Variants in INSRR observed in about 807,000 individuals in gnomAD.
INSRR encodes insulin receptor-related protein.
A neutral mutation model predicts 130.0 loss-of-function variants in INSRR; 114 were observed. That is an observed-to-expected ratio of 0.88 (90% CI 0.75 to 1.02). The LOEUF (loss-of-function observed/expected upper bound fraction) is 1.02, where lower values mean the gene tolerates loss of function less well. INSRR is among the 50% of genes least tolerant of loss of function. The pLI is 0.00. For missense variants in INSRR, 1,657 were observed against 1,735.2 expected, an observed-to-expected ratio of 0.95 and a Z score of 0.80; for synonymous variants, 674 against 705.2, an observed-to-expected ratio of 0.96 and a Z score of 0.70.
At chr1:156,842,020 G>A (rs558577855) in intron 19 of INSRR, 92 bp downstream of exon 19, 1 of 1,589,016 alleles carries the variant, frequency 6.3e-7, no homozygotes, top group Non-Finnish European at 8.6e-7. Flanking sequence ...CTCACAGGCT[G>A]TCAGGACCAG....
chr1:156,853,686 G>T, intron 2 of INSRR, 66 bp downstream of exon 2: 2 of 1,483,628 alleles, frequency 1.3e-6, no homozygotes. Flanking sequence ...CCATCCTGTG[G>T]CCACCCAGCC....
chr1:156,850,375 C>T lies in INSRR; in HGVS notation c.1229+915G>A, dbSNP rs1172405493. 4.0e-5 allele frequency among the ~76,000 whole-genome samples: 6 copies of T among 151,500 alleles called. No homozygotes were observed. The South Asian group carries it at 6.3e-4, about 16-fold the overall frequency. On this transcript the variant is annotated intron_variant, in intron 5 of 21. Transcript: ENST00000368195. ...TACAGGTGCCCACCACCACACCTGG[C>T]TAATTTTTGTATTTTTAGTAGAGAT...
rs142014665 is a variant in INSRR, at chr1:156,855,176, T to TTATCTATCTATCTATCTATCTATCTATC, written c.86-901_86-874dup. On this transcript the variant is annotated intron_variant, in intron 1 of 21. Transcript: ENST00000368195. ...TGAGGCCTTCTCTGACCATCCAATT[T>TTATCTATCTATCTATCTATCTATCTATC]TATCTATCTATCTATCTATCTATCT... Among the ~76,000 whole-genome samples the TTATCTATCTATCTATCTATCTATCTATC allele has an allele frequency of 6.6e-4, 95 of 143,580 alleles. 2 individuals carry two copies. Among genetic ancestry groups the TTATCTATCTATCTATCTATCTATCTATC allele is most frequent in the South Asian group, 1.4e-3 (6 of 4,214 alleles). The allele number at this position is 143,580 out of a possible 152,430, so 94.2% of individuals were successfully genotyped here.
chr1:156,851,735 G>A lies in INSRR; in HGVS notation c.995C>T (p.Thr332Ile). ...GLCPKECKVG[T>I]KTIDSIQAAQ... is the part of the protein sequence containing the mutation. ...CGCCTGGATGGAGTCGATGGTCTTG[G>A]TGCCTACCTTGCACTCTTTAGGGCA... The change falls in exon 4 of 22, where the codon ACC (threonine) becomes ATC (isoleucine). Residue 332 changes from threonine to isoleucine, a missense_variant. Transcript: ENST00000368195. 1 of 1,614,196 alleles carries A rather than the reference G, an allele frequency of 6.2e-7. No individual in the cohort carries two copies. Among genetic ancestry groups the A allele is most frequent in the African/African-American group, 1.3e-5 (1 of 75,054 alleles).
chr1:156,841,371 A>AAGGGGC, intron 21 of INSRR, 23 bp downstream of exon 21: 1 of 1,610,684 alleles, frequency 6.2e-7, no homozygotes, highest in Non-Finnish European at 8.5e-7. Flanking sequence ...AACAATGAGG[A>AAGGGGC]AGGGGCAGGG....
At chr1:156,845,450 G>A (rs746595217) in intron 10 of INSRR, 37 bp from the exon 11 acceptor site, 2 of 1,527,192 alleles carry the variant, frequency 1.3e-6, no homozygotes, top group Admixed American at 2.1e-5. Context: ...AGGCCTGTCC[G>A]GATGCACCCC....
Position 156,844,471 on chromosome 1 carries a change from G to A in INSRR, c.2728C>T (p.Leu910Phe), listed in dbSNP as rs1398375894. Residue 910 changes from leucine (L) to phenylalanine (F), a missense_variant, in exon 14 of 22, where the codon CTT becomes TTT. Leu to Phe is a conservative substitution (Grantham distance 22, BLOSUM62 0). Coordinates refer to ENST00000368195, the MANE Select transcript of INSRR (RefSeq NM_014215.3). ...CAGAGGCTGTGTATACCTGGGCCAA[G>A]GATGTAGAAGGCAACACTGTCTGTC... The part of the protein sequence containing the change: ...SWTDSVAFYI[L>F]GPEEEDAGGL... 2 of 1,613,724 alleles carry A rather than the reference G, an allele frequency of 1.2e-6. No individual in the cohort carries two copies. Among genetic ancestry groups the A allele is most frequent in the Non-Finnish European group, 1.7e-6 (2 of 1,179,808 alleles).
At chr1:156,844,337 G>A in intron 14 of INSRR, 57 bp from the exon 15 acceptor site, 1 of 1,556,862 alleles carries the variant, frequency 6.4e-7, no homozygotes, top group Non-Finnish European at 8.8e-7. Flanking sequence ...CAGAGGGAAG[G>A]TCATGCTTCT....
chr1:156,851,055 T>G, intron 5 of INSRR: 1 of 574,594 alleles, frequency 1.7e-6, no homozygotes, highest in East Asian at 3.1e-5. Context: ...TTGTTTTATG[T>G]GCTTTACACA....
chr1:156,843,259 G>A (rs772824260), intron 16 of INSRR, 26 bp from the exon 17 acceptor site: 2 of 1,606,678 alleles, frequency 1.2e-6, no homozygotes, highest in Admixed American at 1.7e-5. Context: ...GGGTCACAAA[G>A]CGAGGATGCT....
intron 8 of INSRR, 44 bp downstream of exon 8, chr1:156,846,475 G>T: frequency 6.7e-7 from 1 of 1,482,910 alleles, no homozygotes; most frequent in South Asian, 1.1e-5. Context: ...CTGTTCTCAT[G>T]GATGCAGGCG....
At chr1:156,851,499 G>A in intron 4 of INSRR, 65 bp from the exon 5 acceptor site, 1 of 1,606,774 alleles carries the variant, frequency 6.2e-7, no homozygotes, top group Non-Finnish European at 8.5e-7. Flanking sequence ...GGGCAAGGGG[G>A]CTGAATGGGG....
intron 1 of INSRR, 116 bp downstream of exon 1, chr1:156,858,421 A>G (rs1266003201): frequency 1.3e-6 from 1 of 787,198 alleles, no homozygotes; most frequent in Admixed American, 1.9e-5. Context: ...GCTAACCCCA[A>G]CCCCCATGTT....
At position 156,845,271 on chromosome 1, in the gene INSRR, C is replaced by T; in HGVS notation, c.2242G>A (p.Ala748Thr). 6.2e-7 allele frequency: 1 copy of T among 1,612,208 alleles called. No homozygotes were observed. The highest frequency in any genetic ancestry group is 8.5e-7 in the Non-Finnish European group (1 of 1,179,224). ...QRDSGRHRRA[A>T]GPLRLGGNSS... ...TTGCCCCCCAGCCGGAGGGGCCCAGCTGCCCGGCGGTGCCGCCCTGAGTCC... is the reference window on the plus strand; with the variant it reads ...TTGCCCCCCAGCCGGAGGGGCCCAGTTGCCCGGCGGTGCCGCCCTGAGTCC... The change falls in exon 12 of 22, where the codon GCT becomes ACT. Residue 748 changes from alanine (A) to threonine (T), a missense_variant. Physicochemically the swap from Ala to Thr is moderately conservative, Grantham distance 58 (BLOSUM62 0). Coordinates refer to ENST00000368195, the MANE Select transcript of INSRR (RefSeq NM_014215.3).
At position 156,851,679 on chromosome 1, in the gene INSRR, C is replaced by T. The variant is rs775141810; in HGVS notation, c.1051G>A (p.Glu351Lys). ...AQDLVGCTHV[E>K]GSLILNLRQG... ...CGAAGGTTGAGGATGAGGCTTCCCT[C>T]CACATGCGTGCAGCCCACAAGATCC... Residue 351 changes from glutamate (E) to lysine (K), a missense_variant, in exon 4 of 22, where the codon GAG (glutamate) becomes AAG (lysine). By Grantham distance (56) the Glu-to-Lys change is moderately conservative (BLOSUM62 1). Transcript: ENST00000368195. 6.2e-7 allele frequency: 1 copy of T among 1,614,212 alleles called. No individual in the cohort carries two copies. The highest frequency in any genetic ancestry group is 2.2e-5 in the East Asian group (1 of 44,888).
In INSRR at chr1:156,851,808, G is replaced by A; in HGVS notation, c.942-20C>T. 5 of 1,599,968 alleles carry A rather than the reference G, an allele frequency of 3.1e-6. No individual in the cohort carries two copies. Among genetic ancestry groups the A allele is most frequent in the East Asian group, 2.2e-5 (1 of 44,682 alleles). ...AATATGCTAGCAGGAGCAAGCAGATGTCCTGAGCCTTGGACCAGTTTGGGC... is the reference window on the plus strand; with the variant it reads ...AATATGCTAGCAGGAGCAAGCAGATATCCTGAGCCTTGGACCAGTTTGGGC... On this transcript the variant is annotated intron_variant, in intron 3 of 21. Transcript: ENST00000368195.
intron 7 of INSRR, 68 bp downstream of exon 7, chr1:156,848,853 C>G: frequency 6.6e-7 from 1 of 1,517,854 alleles, no homozygotes. Flanking sequence ...CCCTCACCTG[C>G]CTGTGGTCCC....
chr1:156,846,015 GGTA>G lies in INSRR; in HGVS notation c.1912_1914del (p.Tyr638del). ...TCTGCCAGCCGCTGCCACAGCACCAGGTAGTAGGTGAGGTTCCCATTGCGCTGG... is the reference window on the plus strand; with the variant it reads ...TCTGCCAGCCGCTGCCACAGCACCAGGTAGGTGAGGTTCCCATTGCGCTGG... On this transcript the variant is annotated inframe_deletion, in exon 9 of 22. Coordinates refer to ENST00000368195, the MANE Select transcript of INSRR (RefSeq NM_014215.3). 6.2e-7 allele frequency: 1 copy of G among 1,614,138 alleles called. No homozygotes were observed. The highest frequency in any genetic ancestry group is 8.5e-7 in the Non-Finnish European group (1 of 1,180,016).
chr1:156,850,618 G>C (rs1310934704), intron 5 of INSRR, among the ~76,000 whole-genome samples: 1 of 132,652 alleles, frequency 7.5e-6, no homozygotes, highest in Non-Finnish European at 1.5e-5. Flanking sequence ...GCAGTGGCAC[G>C]ATTTCGGCTC....
Sources: allele counts gnomAD v4.1 joint callset (sites outside exome capture counted in the v4.1 genomes callset), GRCh38; gene constraint gnomAD v4.1.1; transcripts MANE v1.5; gene names NCBI Gene and HGNC (gene_info 2026-07-23, HGNC 2026-07-21).